LIFR: variants seen among roughly 807,000 people sequenced by gnomAD.
LIFR encodes leukemia inhibitory factor receptor.
A neutral mutation model predicts 122.2 loss-of-function variants in LIFR; 84 were observed. The ratio of observed to expected loss-of-function variants is 0.69; its 90% confidence interval spans 0.58 to 0.82. The LOEUF (loss-of-function observed/expected upper bound fraction) is 0.82, where lower values mean the gene tolerates loss of function less well. Among genes scored for constraint, LIFR ranks in the 40% least tolerant of loss-of-function variants. The pLI is 0.00. For synonymous variants in LIFR, 422 were observed against 434.7 expected (o/e 0.97, Z 0.36); for missense variants, 1,294 against 1,311.6 (o/e 0.99, Z 0.21).
intron 1 of LIFR, among the ~76,000 whole-genome samples, chr5:38,555,994 A>G (rs1469685256): frequency 1.3e-5 from 2 of 152,220 alleles, no homozygotes; most frequent in African/African-American, 4.8e-5. Flanking sequence ...GGGGAGTTGA[A>G]GCAGAGGGGC....
intron 1 of LIFR, among the ~76,000 whole-genome samples, chr5:38,545,440 G>T (rs1186515402): frequency 6.6e-6 from 1 of 151,952 alleles, no homozygotes; most frequent in Admixed American, 6.6e-5. Flanking sequence ...GTTGCCTGGG[G>T]TTATCTCTGA....
At chr5:38,544,546 A>G (rs1747769256) in intron 1 of LIFR, among the ~76,000 whole-genome samples, 1 of 152,124 alleles carries the variant, frequency 6.6e-6, no homozygotes, top group Non-Finnish European at 1.5e-5. Context: ...CTCATCACCT[A>G]GAAAGGGGGA....
chr5:38,546,545 G>C (rs1747903864), intron 1 of LIFR, among the ~76,000 whole-genome samples: 1 of 152,186 alleles, frequency 6.6e-6, no homozygotes, highest in Non-Finnish European at 1.5e-5. Context: ...CCAGGTAAGA[G>C]CAGTTACTCC....
chr5:38,567,504 T>TTATTTATTTATGTATTTATG (rs1265925527), intron 1 of LIFR, among the ~76,000 whole-genome samples: 1 of 142,054 alleles, frequency 7.0e-6, no homozygotes, highest in Non-Finnish European at 1.5e-5. Flanking sequence ...CTGTATTTAT[T>TTATTTATTTATGTATTTATG]TATTTATTTA....
intron 1 of LIFR, among the ~76,000 whole-genome samples, chr5:38,573,400 G>C (rs1457836865): frequency 2.6e-5 from 4 of 152,154 alleles, no homozygotes; most frequent in African/African-American, 9.7e-5. Context: ...GTTGTGGTTA[G>C]GAGTGAATGA....
Position 38,493,662 on chromosome 5 carries a change from C to T in LIFR, c.2009G>A (p.Cys670Tyr), listed in dbSNP as rs919236709. The T allele has an allele frequency of 1.9e-6, 3 of 1,614,172 alleles. No homozygotes were observed. The highest frequency in any genetic ancestry group is 1.7e-5 in the Admixed American group (1 of 60,020). ...GGGAACTTTTCTCCAGTCCATAAGG[C>T]ATGGTTCCGACCGAGACGAGTTACA... ...KWCNSSRSEP[C>Y]LMDWRKVPSN... The change falls in exon 14 of 20, where the codon TGC becomes TAC. Residue 670 changes from cysteine to tyrosine, a missense_variant. Cys to Tyr is a radical substitution (Grantham distance 194). Coordinates refer to ENST00000453190, the MANE Select transcript of LIFR (RefSeq NM_001127671.2).
chr5:38,542,774 T>C lies in LIFR; in HGVS notation c.-19-12108A>G, dbSNP rs1747664601. 2.0e-5 allele frequency among the ~76,000 whole-genome samples: 3 copies of C among 152,170 alleles called. No individual in the cohort carries two copies. In the South Asian group the frequency reaches 6.2e-4, roughly 32 times the overall value. On this transcript the variant is annotated intron_variant, in intron 1 of 19. Coordinates refer to ENST00000453190, the MANE Select transcript of LIFR (RefSeq NM_001127671.2). Reference sequence around the variant, plus strand: ...ACAGACAGATCATCTACCTGGAATGTCCTTCCCACTCCACTCTTCCTTGTC... The same window carrying C: ...ACAGACAGATCATCTACCTGGAATGCCCTTCCCACTCCACTCTTCCTTGTC...
Position 38,510,573 on chromosome 5 carries a change from C to G in LIFR, c.882G>C (p.Gly294=), listed in dbSNP as rs1745742866. 2 of 1,613,910 alleles carry G rather than the reference C, an allele frequency of 1.2e-6. No homozygotes were observed. The highest frequency in any genetic ancestry group is 1.7e-6 in the Non-Finnish European group (2 of 1,179,914). ...TACGAATCTTGATTGCAACATTTTC[C>G]CCATCAAGATGGATCAAGGGGCAGT... ...HTNCPLIHLD[G]ENVAIKIRNI... The change falls in exon 7 of 20, where the codon GGG becomes GGC. Residue 294 remains glycine, a synonymous_variant. Transcript: ENST00000453190.
rs1387998957 is a variant in LIFR, at chr5:38,480,885, C to T, written c.*710G>A. On this transcript the variant is annotated 3_prime_UTR_variant, in exon 20 of 20. Transcript: ENST00000453190. ...TAAAAGCTAAAAAATAATGAAAAGG[C>T]TTGCAAAACCTATCACAGCAAGAAA... 9.1e-6 allele frequency: 2 copies of T among 219,104 alleles called. No individual in the cohort carries two copies. Among genetic ancestry groups the T allele is most frequent in the Non-Finnish European group, 1.8e-5 (2 of 109,066 alleles). 13.6% of individuals were successfully genotyped at this position (219,104 alleles called of 1,614,324 possible).
chr5:38,602,077 C>T (rs1378016388), intron 2 of LIFR, among the ~76,000 whole-genome samples: 1 of 152,172 alleles, frequency 6.6e-6, no homozygotes, highest in Non-Finnish European at 1.5e-5. Context: ...CTTGGCGGCT[C>T]TTTATCATTT....
chr5:38,507,408 A>G (rs1231348776), intron 7 of LIFR, among the ~76,000 whole-genome samples: 1 of 151,816 alleles, frequency 6.6e-6, no homozygotes, highest in Non-Finnish European at 1.5e-5. Context: ...CACTAAAAAT[A>G]CAAAAATTAG....
Position 38,482,065 on chromosome 5 carries a change from C to T in LIFR, c.2824G>A (p.Glu942Lys), listed in dbSNP as rs1744021544. 3 of 1,608,862 alleles carry T rather than the reference C, an allele frequency of 1.9e-6. No homozygotes were observed. Among genetic ancestry groups the T allele is most frequent in the Admixed American group, 1.7e-5 (1 of 59,486 alleles). The change falls in exon 20 of 20, where the codon GAA becomes AAA. Residue 942 changes from glutamate to lysine, a missense_variant. Transcript: ENST00000453190. Reference protein sequence around the residue: ...RPEDRSDAEPENHVVVSYCPP... With the variant: ...RPEDRSDAEPKNHVVVSYCPP... ...CAATAGGACACAACCACATGGTTTT[C>T]AGGCTCTGCATCAGAGCGATCTTCA...
chr5:38,514,613 C>T (rs750673920), intron 5 of LIFR, among the ~76,000 whole-genome samples: 12 of 152,138 alleles, frequency 7.9e-5, no homozygotes, highest in Non-Finnish European at 1.8e-4. Context: ...TATTTGCAAG[C>T]TAGCTATTAT....
At chr5:38,512,815 A>G (rs1253324585) in intron 5 of LIFR, among the ~76,000 whole-genome samples, 3 of 152,160 alleles carry the variant, frequency 2.0e-5, no homozygotes, top group African/African-American at 4.8e-5. Flanking sequence ...CTAATGATCT[A>G]AATTTTTCAT....
chr5:38,570,513 T>G (rs1247771464), intron 1 of LIFR, among the ~76,000 whole-genome samples: 2 of 152,212 alleles, frequency 1.3e-5, no homozygotes, highest in East Asian at 1.9e-4. Context: ...TGAGGCTTTT[T>G]CGGTCTGGAC....
intron 2 of LIFR, 141 bp from the exon 3 acceptor site, chr5:38,528,981 G>A (rs1026646265): frequency 3.4e-5 from 17 of 494,442 alleles, no homozygotes; most frequent in African/African-American, 2.7e-4. Context: ...GAGAGCCCAT[G>A]TTTTTTTTTT....
intron 1 of LIFR, 21 bp downstream of exon 1, chr5:38,556,313 C>T (rs1322507259): frequency 6.6e-6 from 1 of 152,022 alleles, no homozygotes; most frequent in Non-Finnish European, 1.5e-5. Flanking sequence ...CGCGCCGCGC[C>T]CACCCGCCCC....
At chr5:38,539,300 G>A (rs1421097195) in intron 1 of LIFR, among the ~76,000 whole-genome samples, 2 of 152,228 alleles carry the variant, frequency 1.3e-5, no homozygotes, top group South Asian at 2.1e-4. Context: ...ACAGTGCTCT[G>A]TTTATGCTCC....
At chr5:38,482,534 GAT>G in intron 19 of LIFR, 53 bp downstream of exon 19, 1 of 956,160 alleles carries the variant, frequency 1.0e-6, no homozygotes, top group Non-Finnish European at 1.6e-6. Flanking sequence ...TTTCACAAAA[GAT>G]TAAAAAAAGA....
Sources: allele counts gnomAD v4.1 joint callset (sites outside exome capture counted in the v4.1 genomes callset), GRCh38; gene constraint gnomAD v4.1.1; transcripts MANE v1.5; gene names NCBI Gene and HGNC (gene_info 2026-07-23, HGNC 2026-07-21).